The following PVT1 variants were observed in gnomAD, a reference collection of about 807,000 sequenced individuals.
PVT1 encodes the protein Pvt1 oncogene, also known as CXCR4/PVT1 fusion.
intron 3 of PVT1, among the ~76,000 whole-genome samples, chr8:127,945,794 T>G (rs1816413068): frequency 6.6e-6 from 1 of 152,130 alleles, no homozygotes; most frequent in Admixed American, 6.5e-5. Context: ...CATTCGTTCA[T>G]TTTTTCCTTC....
At chr8:127,922,265 C>T (rs1309736283) in intron 3 of PVT1, among the ~76,000 whole-genome samples, 2 of 98,228 alleles carry the variant, frequency 2.0e-5, no homozygotes, top group Non-Finnish European at 3.6e-5. Flanking sequence ...ATTTCTTTTT[C>T]CAAGATACCC....
intron 3 of PVT1, among the ~76,000 whole-genome samples, chr8:127,897,294 G>A (rs1194813494): frequency 6.6e-6 from 1 of 152,110 alleles, no homozygotes; most frequent in African/African-American, 2.4e-5. Context: ...TCCCTACAGC[G>A]CCTGGTCAGA....
intron 2 of PVT1, among the ~76,000 whole-genome samples, chr8:127,802,855 C>G (rs908447466): frequency 4.6e-5 from 7 of 152,092 alleles, no homozygotes. Context: ...GAAATGGGAC[C>G]ACAGCCAACC....
chr8:127,962,981 G>T (rs1816664134), intron 3 of PVT1, among the ~76,000 whole-genome samples: 1 of 152,166 alleles, frequency 6.6e-6, no homozygotes, highest in Non-Finnish European at 1.5e-5. Context: ...TCCTCACTGG[G>T]GTGGTCAGGG....
chr8:128,050,993 C>T (rs918017505), intron 4 of PVT1, among the ~76,000 whole-genome samples: 4 of 152,206 alleles, frequency 2.6e-5, no homozygotes, highest in Non-Finnish European at 5.9e-5. Flanking sequence ...GACTTCCCAG[C>T]ACAGTCTCAA....
rs539302396 is a variant in PVT1, at chr8:128,031,491, G to A, written n.913-38669G>A. 1.8e-4 allele frequency among the ~76,000 whole-genome samples: 28 copies of A among 152,248 alleles called. No individual in the cohort carries two copies. The South Asian group carries it at 2.9e-3, about 16-fold the overall frequency. On this transcript the variant is annotated intron_variant and non_coding_transcript_variant, in intron 4 of 10. Transcript: ENST00000651587. ...ACGTTGCCAGGGCCCCTGGTATTGC[G>A]TACAAAGCATTAACCTGGAAGCTAA...
chr8:127,888,766 C>T (rs1221630969), intron 2 of PVT1, among the ~76,000 whole-genome samples: 1 of 152,242 alleles, frequency 6.6e-6, no homozygotes, highest in Non-Finnish European at 1.5e-5. Flanking sequence ...GAAACACATT[C>T]CCTCTCAGCC....
chr8:127,884,277 T>C (rs1235891998), intron 2 of PVT1, among the ~76,000 whole-genome samples: 3 of 152,240 alleles, frequency 2.0e-5, no homozygotes, highest in African/African-American at 4.8e-5. Flanking sequence ...CTCAAAATTA[T>C]GTTTGTGGGA....
intron 2 of PVT1, among the ~76,000 whole-genome samples, chr8:127,800,186 A>G (rs1814447546): frequency 6.6e-6 from 1 of 152,202 alleles, no homozygotes; most frequent in Non-Finnish European, 1.5e-5. Context: ...ATTATTTATT[A>G]TTCTTCAGGG....
At chr8:128,061,562 C>A (rs1353010425) in intron 4 of PVT1, among the ~76,000 whole-genome samples, 1 of 152,152 alleles carries the variant, frequency 6.6e-6, no homozygotes, top group Admixed American at 6.5e-5. Context: ...CTATGTATAA[C>A]CTTTTGAGCA....
chr8:128,071,081 T>G (rs930960908), intron 5 of PVT1, among the ~76,000 whole-genome samples: 1 of 152,198 alleles, frequency 6.6e-6, no homozygotes, highest in Non-Finnish European at 1.5e-5. Context: ...GCTTTGGGGA[T>G]TAGATCCATC....
In PVT1 at chr8:127,973,966, G is replaced by A. The variant is rs183327615; in HGVS notation, n.783-15196G>A. Among the ~76,000 whole-genome samples the A allele has an allele frequency of 2.0e-4, 30 of 149,868 alleles. No homozygotes were observed. The East Asian group carries it at 4.9e-3, about 24-fold the overall frequency. Reference sequence around the variant, plus strand: ...CTGCACTCCAGCCTGGGGACAGAGCGAGACTCCGTCTCAGAAAAAAAAAAA... The same window carrying A: ...CTGCACTCCAGCCTGGGGACAGAGCAAGACTCCGTCTCAGAAAAAAAAAAA... On this transcript the variant is annotated intron_variant and non_coding_transcript_variant, in intron 3 of 10. Coordinates refer to ENST00000651587, the Ensembl canonical transcript of PVT1.
intron 3 of PVT1, among the ~76,000 whole-genome samples, chr8:127,933,446 T>G (rs886260708): frequency 6.6e-6 from 1 of 152,224 alleles, no homozygotes; most frequent in African/African-American, 2.4e-5. Flanking sequence ...GAAATAGAAC[T>G]CATTCCTATT....
At chr8:127,870,518 C>T (rs1213897142) in intron 2 of PVT1, among the ~76,000 whole-genome samples, 5 of 152,168 alleles carry the variant, frequency 3.3e-5, no homozygotes, top group Admixed American at 3.3e-4. Flanking sequence ...ACCAAATACC[C>T]TTTGGGGATT....
intron 4 of PVT1, chr8:128,070,041 G>A (rs1813965419): frequency 6.6e-6 from 1 of 152,054 alleles, no homozygotes; most frequent in Admixed American, 6.5e-5. Flanking sequence ...CTGCATGAGG[G>A]CCTGCATGAG....
intron 2 of PVT1, among the ~76,000 whole-genome samples, chr8:127,827,789 G>C (rs777828738): frequency 1.3e-5 from 2 of 152,066 alleles, no homozygotes; most frequent in Non-Finnish European, 2.9e-5. Context: ...ATCTTGCTGG[G>C]TGGCTTCAGC....
At chr8:127,956,442 G>T (rs754528482) in intron 3 of PVT1, among the ~76,000 whole-genome samples, 16 of 152,264 alleles carry the variant, frequency 1.1e-4, no homozygotes, top group Non-Finnish European at 2.2e-4. Flanking sequence ...GTGGTGAAGG[G>T]AAGACACAGC....
intron 2 of PVT1, among the ~76,000 whole-genome samples, chr8:127,848,501 T>C (rs1182586973): frequency 2.0e-5 from 3 of 152,010 alleles, no homozygotes; most frequent in Non-Finnish European, 2.9e-5. Flanking sequence ...CTGACCAACA[T>C]GGAGAAACCC....
At chr8:127,798,173 G>A (rs566266615) in intron 2 of PVT1, among the ~76,000 whole-genome samples, 1 of 151,804 alleles carries the variant, frequency 6.6e-6, no homozygotes, top group African/African-American at 2.4e-5. Context: ...GCATGGTGGC[G>A]CACACTTGTA....
Sources: allele counts gnomAD v4.1 joint callset (sites outside exome capture counted in the v4.1 genomes callset), GRCh38; gene constraint gnomAD v4.1.1; transcripts MANE v1.5; gene names NCBI Gene and HGNC (gene_info 2026-07-23, HGNC 2026-07-21).